Variants in KLHL32 observed in about 807,000 individuals in gnomAD.
The protein encoded by KLHL32 is kelch-like protein 32.
A neutral mutation model predicts 64.8 loss-of-function variants in KLHL32; 35 were observed. The ratio of observed to expected loss-of-function variants is 0.54; its 90% CI spans 0.41 to 0.72. KLHL32 has a LOEUF of 0.72. KLHL32 is among the 30% of genes least tolerant of loss of function. The pLI, the probability that KLHL32 is intolerant of heterozygous loss-of-function variation, is 0.00. For synonymous variants in KLHL32, 259 were observed against 281.0 expected (o/e 0.92, Z 0.78); for missense variants, 589 against 768.5 (o/e 0.77, Z 2.76).
chr6:96,987,252 C>G (rs1417374970), intron 3 of KLHL32, among the ~76,000 whole-genome samples: 1 of 152,152 alleles, frequency 6.6e-6, no homozygotes, highest in East Asian at 1.9e-4. Context: ...CTTCTGCTAG[C>G]TTTTGAATGT....
rs1554250751 is a variant in KLHL32 at position 97,135,322 on chromosome 6, T to TC, written c.1701+2577dup. ...TAATTTTTTTTTTTTTTTTTTTTTT[T>TC]CCTGAGAGTGTCTTGCTCTGTCACC... On this transcript the variant is annotated intron_variant, in intron 10 of 10. Transcript: ENST00000369261. Among the ~76,000 whole-genome samples, 366 of 112,290 alleles carry TC rather than the reference T, an allele frequency of 3.3e-3. 24 individuals are homozygous for TC. Among genetic ancestry groups the TC allele is most frequent in the Middle Eastern group, 0.011 (2 of 188 alleles). 73.7% of individuals were successfully genotyped at this position (112,290 alleles called of 152,430 possible). A position where few individuals can be genotyped will look rare whatever the true frequency, so the allele number is the denominator to read the frequency against.
intron 6 of KLHL32, among the ~76,000 whole-genome samples, chr6:97,106,915 C>T (rs11961069): frequency 0.054 from 8,264 of 152,136 alleles, 760 homozygotes; most frequent in African/African-American, 0.19. Context: ...ATGAGGCTCA[C>T]TGAAAAATAC....
intron 6 of KLHL32, 144 bp from the exon 7 acceptor site, chr6:97,113,639 T>C (rs573084778): frequency 4.8e-5 from 55 of 1,143,154 alleles, no homozygotes; most frequent in Non-Finnish European, 6.4e-5. Context: ...CACATGGGCT[T>C]CAAAATATTC....
intron 1 of KLHL32, among the ~76,000 whole-genome samples, chr6:96,929,012 G>A (rs1366334562): frequency 6.6e-6 from 1 of 152,088 alleles, no homozygotes; most frequent in African/African-American, 2.4e-5. Flanking sequence ...GATCCTGGTT[G>A]GGTCAATGTT....
At chr6:96,913,109 G>A in the KLHL32 span, among the ~76,000 whole-genome samples, 1 of 152,318 alleles carries the variant, frequency 6.6e-6, no homozygotes, top group South Asian at 2.1e-4. Context: ...CATGGGATTT[G>A]TGGCTATGTA....
chr6:96,945,036 A>G (rs1272714282), intron 1 of KLHL32, among the ~76,000 whole-genome samples: 1 of 152,234 alleles, frequency 6.6e-6, no homozygotes, highest in African/African-American at 2.4e-5. Flanking sequence ...TCTGCCATTT[A>G]TGAGATAATT....
chr6:97,041,632 C>G (rs1246571920), intron 4 of KLHL32, 33 bp downstream of exon 4: 5 of 1,245,752 alleles, frequency 4.0e-6, no homozygotes, highest in Non-Finnish European at 5.9e-6. Context: ...TAAAGTTTAA[C>G]ATTTCAACTA....
chr6:97,014,380 A>G (rs374005106), intron 3 of KLHL32, among the ~76,000 whole-genome samples: 3 of 150,482 alleles, frequency 2.0e-5, no homozygotes, highest in East Asian at 3.9e-4. Context: ...TTTATAGTAT[A>G]TATAACAAAT....
the KLHL32 span, among the ~76,000 whole-genome samples, chr6:96,905,938 C>G: frequency 6.6e-6 from 1 of 152,208 alleles, no homozygotes; most frequent in African/African-American, 2.4e-5. Context: ...AGTGTCCTTG[C>G]TCATAGACTT....
Position 97,114,693 on chromosome 6 carries a change from C to G in KLHL32, c.1354+184C>G, listed in dbSNP as rs193232945. 543 of 671,818 alleles carry G rather than the reference C, an allele frequency of 8.1e-4. 2 individuals carry two copies. The highest frequency in any genetic ancestry group is 1.2e-3 in the Non-Finnish European group (481 of 399,630). 41.6% of individuals were successfully genotyped at this position (671,818 alleles called of 1,614,324 possible). ...GAGCAATGTAATTGGAAATAATATG[C>G]CTTTCTGTGACTTTCTGAGTGACTA... On this transcript the variant is annotated intron_variant, in intron 7 of 10. Transcript: ENST00000369261.
intron 10 of KLHL32, among the ~76,000 whole-genome samples, chr6:97,134,049 A>G (rs146913100): frequency 1.3e-5 from 2 of 152,322 alleles, no homozygotes; most frequent in African/African-American, 2.4e-5. Context: ...ACACATTGCT[A>G]TATAACTTAT....
At chr6:96,932,895 G>A (rs1582382024) in intron 1 of KLHL32, among the ~76,000 whole-genome samples, 1 of 152,068 alleles carries the variant, frequency 6.6e-6, no homozygotes, top group Admixed American at 6.5e-5. Context: ...TGATTTCTGT[G>A]TTTCATGCTG....
At chr6:96,941,074 C>T (rs995564152) in intron 1 of KLHL32, among the ~76,000 whole-genome samples, 1 of 152,156 alleles carries the variant, frequency 6.6e-6, no homozygotes, top group Non-Finnish European at 1.5e-5. Context: ...GCTCATTAGC[C>T]TTTCTTAGCC....
chr6:97,059,942 G>A (rs1359593803), intron 4 of KLHL32, among the ~76,000 whole-genome samples: 1 of 152,086 alleles, frequency 6.6e-6, no homozygotes, highest in Non-Finnish European at 1.5e-5. Context: ...AAGAAGGGAG[G>A]AAATGTAATC....
At chr6:97,008,900 G>A (rs1780012458) in intron 3 of KLHL32, among the ~76,000 whole-genome samples, 1 of 151,942 alleles carries the variant, frequency 6.6e-6, no homozygotes, top group Non-Finnish European at 1.5e-5. Flanking sequence ...GCTGTGCTTA[G>A]CCGGCCGTCT....
At chr6:96,904,474 A>G in the KLHL32 span, among the ~76,000 whole-genome samples, 4 of 152,218 alleles carry the variant, frequency 2.6e-5, no homozygotes, top group Admixed American at 2.0e-4. Context: ...AACTTAGTAA[A>G]CCACAAAAAT....
intron 4 of KLHL32, among the ~76,000 whole-genome samples, chr6:97,049,808 C>T (rs1359107299): frequency 6.6e-6 from 1 of 152,146 alleles, no homozygotes; most frequent in Admixed American, 6.6e-5. Flanking sequence ...TTTATCAGTG[C>T]ATTATTGAAA....
chr6:96,967,379 T>C (rs1006086413), intron 2 of KLHL32, among the ~76,000 whole-genome samples: 2 of 151,970 alleles, frequency 1.3e-5, no homozygotes, highest in Non-Finnish European at 2.9e-5. Context: ...TAAAGGTATA[T>C]CACATAAAAA....
intron 7 of KLHL32, among the ~76,000 whole-genome samples, chr6:97,118,488 G>A (rs917824495): frequency 3.9e-5 from 6 of 151,906 alleles, no homozygotes; most frequent in Admixed American, 1.3e-4. Context: ...GCGTGGTGGC[G>A]GGCGCCTGTA....
Sources: allele counts gnomAD v4.1 joint callset (sites outside exome capture counted in the v4.1 genomes callset), GRCh38; gene constraint gnomAD v4.1.1; transcripts MANE v1.5; gene names NCBI Gene and HGNC (gene_info 2026-07-23, HGNC 2026-07-21).